Variants in CAB39 observed in about 807,000 individuals in gnomAD.
CAB39 encodes the protein calcium-binding protein 39.
A neutral mutation model predicts 40.0 loss-of-function variants in CAB39; 8 were observed. The observed-to-expected ratio is 0.20, with a 90% CI of 0.12 to 0.36. The LOEUF (loss-of-function observed/expected upper bound fraction) is 0.36. CAB39 is among the 10% of genes least tolerant of loss of function. The pLI, the probability that CAB39 is intolerant of heterozygous loss-of-function variation, is 1.00. For missense variants in CAB39, 270 were observed against 401.1 expected (o/e 0.67, Z 2.79); for synonymous variants, 156 against 141.6 (o/e 1.10, Z -0.72).
At chr2:230,776,849 G>A (rs1339532442) in intron 2 of CAB39, among the ~76,000 whole-genome samples, 1 of 152,016 alleles carries the variant, frequency 6.6e-6, no homozygotes, top group African/African-American at 2.4e-5. Flanking sequence ...TGCCACGCCC[G>A]GCTAATTTTT....
At chr2:230,716,710 T>C (rs1031175975) in intron 1 of CAB39, among the ~76,000 whole-genome samples, 2 of 152,158 alleles carry the variant, frequency 1.3e-5, no homozygotes, top group Admixed American at 1.3e-4. Flanking sequence ...AGCCCTATTT[T>C]AAAAGGTCAG....
At chr2:230,776,069 A>G (rs56122019) in intron 2 of CAB39, among the ~76,000 whole-genome samples, 6,437 of 152,198 alleles carry the variant, frequency 0.042, 463 homozygotes, top group African/African-American at 0.15. Flanking sequence ...GAAACAACCT[A>G]TGGCATGTTC....
chr2:230,720,453 C>T (rs547787750), intron 1 of CAB39, among the ~76,000 whole-genome samples: 1 of 152,226 alleles, frequency 6.6e-6, no homozygotes, highest in East Asian at 1.9e-4. Context: ...GTTTGTTTCC[C>T]AGGATGGAGT....
In CAB39 at chr2:230,810,948, C is replaced by A. The variant is rs187300120; in HGVS notation, c.627+626C>A. Among the ~76,000 whole-genome samples the A allele has an allele frequency of 2.0e-5, 3 of 152,316 alleles. No homozygotes were observed. The East Asian group carries it at 5.8e-4, about 29-fold the overall frequency. ...CCAGAGTGCTTGATAGCTTGATTTC[C>A]CTAGACCCGCACAACTGCCTCTAGG... is the stretch of plus-strand genomic sequence containing the variant. On this transcript the variant is annotated intron_variant, in intron 6 of 8. Transcript: ENST00000258418.
chr2:230,749,164 A>G (rs1216291566), intron 1 of CAB39, among the ~76,000 whole-genome samples: 5 of 151,822 alleles, frequency 3.3e-5, no homozygotes, highest in Non-Finnish European at 4.4e-5. Flanking sequence ...TTAAATATAC[A>G]ATACTTTAAT....
intron 1 of CAB39, among the ~76,000 whole-genome samples, chr2:230,717,423 G>A (rs566778788): frequency 3.9e-5 from 6 of 152,218 alleles, no homozygotes; most frequent in African/African-American, 1.4e-4. Flanking sequence ...GTGACTTTCC[G>A]ACCGGATCCC....
intron 1 of CAB39, among the ~76,000 whole-genome samples, chr2:230,718,358 G>A (rs1482802333): frequency 6.6e-6 from 1 of 152,206 alleles, no homozygotes; most frequent in Non-Finnish European, 1.5e-5. Flanking sequence ...TCCCTCCACA[G>A]TAGATTATAT....
intron 2 of CAB39, among the ~76,000 whole-genome samples, chr2:230,776,647 A>G (rs1339508392): frequency 2.6e-5 from 4 of 152,084 alleles, no homozygotes; most frequent in African/African-American, 9.7e-5. Flanking sequence ...CTCTGGAGAA[A>G]CAAGTAGGTC....
chr2:230,725,188 C>G, intron 1 of CAB39: 1 of 1,610,850 alleles, frequency 6.2e-7, no homozygotes, highest in Non-Finnish European at 8.5e-7. Context: ...CCCGGGACTG[C>G]TTGGCGCTGG....
intron 1 of CAB39, among the ~76,000 whole-genome samples, chr2:230,730,001 T>A (rs1012277372): frequency 1.3e-5 from 2 of 152,202 alleles, no homozygotes; most frequent in Non-Finnish European, 2.9e-5. Flanking sequence ...CAGAGAATAC[T>A]GTCAGATATT....
chr2:230,812,449 A>G (rs1307003793), intron 6 of CAB39, among the ~76,000 whole-genome samples: 3 of 152,246 alleles, frequency 2.0e-5, no homozygotes, highest in African/African-American at 7.2e-5. Flanking sequence ...AACAGGGGCC[A>G]CATACATACT....
At chr2:230,778,900 ATTGTATCTGTGGGACCACAG>A (rs1695641046) in intron 2 of CAB39, 1 of 151,996 alleles carries the variant, frequency 6.6e-6, no homozygotes, top group South Asian at 2.1e-4. Flanking sequence ...AAAATATGGT[ATTGTATCTGTGGGACCACAG>A]TTGTCTCTGT....
intron 2 of CAB39, among the ~76,000 whole-genome samples, chr2:230,785,141 C>T (rs1287258616): frequency 2.6e-5 from 4 of 152,148 alleles, no homozygotes; most frequent in Admixed American, 6.5e-5. Flanking sequence ...ACTAATAGTG[C>T]ACAGCAATCT....
At chr2:230,747,640 A>C (rs1694998513) in intron 1 of CAB39, among the ~76,000 whole-genome samples, 1 of 152,220 alleles carries the variant, frequency 6.6e-6, no homozygotes, top group African/African-American at 2.4e-5. Flanking sequence ...TAAGGGGGAA[A>C]ATTAGCGCAA....
chr2:230,814,777 T>C (rs1199613001), intron 7 of CAB39, among the ~76,000 whole-genome samples: 1 of 152,206 alleles, frequency 6.6e-6, no homozygotes, highest in African/African-American at 2.4e-5. Flanking sequence ...AAATATTTAC[T>C]GTTTGGCCCT....
intron 1 of CAB39, among the ~76,000 whole-genome samples, chr2:230,727,018 TAAG>T (rs940018963): frequency 4.6e-5 from 7 of 151,216 alleles, no homozygotes; most frequent in Admixed American, 6.6e-5. Context: ...GAAGGAATAA[TAAG>T]AAATACGGAG....
chr2:230,794,677 C>T (rs891917151), intron 4 of CAB39, among the ~76,000 whole-genome samples: 3 of 152,178 alleles, frequency 2.0e-5, no homozygotes, highest in Non-Finnish European at 4.4e-5. Flanking sequence ...CTGGTGGGCC[C>T]ACCGGAAGCC....
intron 1 of CAB39, among the ~76,000 whole-genome samples, chr2:230,726,207 G>T (rs1288448069): frequency 2.0e-5 from 3 of 151,870 alleles, no homozygotes; most frequent in Admixed American, 2.0e-4. Flanking sequence ...CTGTTACCTA[G>T]GCTGGAGTGC....
intron 2 of CAB39, among the ~76,000 whole-genome samples, chr2:230,770,359 C>T (rs1372181369): frequency 6.6e-6 from 1 of 152,124 alleles, no homozygotes; most frequent in Non-Finnish European, 1.5e-5. Context: ...TTAAACTCAA[C>T]AGCTTAGATG....
Sources: allele counts gnomAD v4.1 joint callset (sites outside exome capture counted in the v4.1 genomes callset), GRCh38; gene constraint gnomAD v4.1.1; transcripts MANE v1.5; gene names NCBI Gene and HGNC (gene_info 2026-07-23, HGNC 2026-07-21).